DOCK2: variants seen among roughly 807,000 people sequenced by gnomAD.
The protein encoded by DOCK2 is dedicator of cytokinesis 2.
DOCK2 carries 87 observed loss-of-function variants against 248.9 expected under a neutral mutation model. The observed-to-expected ratio is 0.35, with a 90% confidence interval of 0.29 to 0.42. The LOEUF is 0.42. Among genes scored for constraint, DOCK2 ranks in the 10% least tolerant of loss-of-function variants. The pLI is 1.00. For synonymous variants in DOCK2, 805 were observed against 821.6 expected, an observed-to-expected ratio of 0.98 and a Z score of 0.35; for missense variants, 1,747 against 2,300.2, an observed-to-expected ratio of 0.76 and a Z score of 4.92.
At chr5:169,700,227 C>T in intron 13 of DOCK2, 88 bp downstream of exon 13, 1 of 1,505,300 alleles carries the variant, frequency 6.6e-7, no homozygotes, top group Non-Finnish European at 8.9e-7. Context: ...GAGTCAACTC[C>T]TTCCTTTTTT....
At chr5:170,009,025 C>CT (rs1435201636) in intron 32 of DOCK2, among the ~76,000 whole-genome samples, 1 of 151,910 alleles carries the variant, frequency 6.6e-6, no homozygotes, top group Non-Finnish European at 1.5e-5. Flanking sequence ...ATAAGAGGGA[C>CT]CAGGACTGTC....
intron 27 of DOCK2, among the ~76,000 whole-genome samples, chr5:169,918,773 C>T (rs435691): frequency 2.6e-5 from 4 of 152,018 alleles, no homozygotes; most frequent in Non-Finnish European, 5.9e-5. Flanking sequence ...ATTAACCAGG[C>T]GTGGTGGCAG....
At chr5:169,654,563 CTG>C in intron 2 of DOCK2, 77 bp downstream of exon 2, 1 of 1,496,256 alleles carries the variant, frequency 6.7e-7, no homozygotes, top group Non-Finnish European at 9.2e-7. Context: ...CCCCTCAGCG[CTG>C]TCTCTGAACC....
intron 29 of DOCK2, among the ~76,000 whole-genome samples, chr5:169,993,202 A>T (rs778719868): frequency 6.6e-6 from 1 of 152,254 alleles, no homozygotes; most frequent in Non-Finnish European, 1.5e-5. Context: ...TGTTTCAAAG[A>T]CATATTGGTG....
chr5:170,039,513 A>G (rs1756442307), intron 36 of DOCK2, among the ~76,000 whole-genome samples: 2 of 152,232 alleles, frequency 1.3e-5, no homozygotes, highest in Admixed American at 1.3e-4. Context: ...GCTTTGCTGA[A>G]TGAATAAGTG....
In DOCK2 at chr5:169,914,049, G is replaced by A. The variant is rs139912367; in HGVS notation, c.2800-69019G>A. Among the ~76,000 whole-genome samples, 6 of 152,112 alleles carry A rather than the reference G, an allele frequency of 3.9e-5. No individual in the cohort carries two copies. In the South Asian group the frequency reaches 6.2e-4, roughly 16 times the overall value. ...ACACCCAAAGATGTTTACTAAAGATGCCCTTTCAAATGAAGCTTTTGACTG... is the reference window on the plus strand; with the variant it reads ...ACACCCAAAGATGTTTACTAAAGATACCCTTTCAAATGAAGCTTTTGACTG... On this transcript the variant is annotated intron_variant, in intron 27 of 51. Coordinates refer to ENST00000520908, the MANE Select transcript of DOCK2 (RefSeq NM_004946.3).
intron 26 of DOCK2, among the ~76,000 whole-genome samples, chr5:169,833,654 A>G (rs1437439168): frequency 1.3e-5 from 2 of 152,206 alleles, no homozygotes; most frequent in Non-Finnish European, 2.9e-5. Flanking sequence ...AACAGAAGAC[A>G]TCTGGCCTAG....
rs144041093 is a variant in DOCK2, at chr5:169,678,480, G to A, written c.471-3264G>A. ...GGTTTCACCAGTCTCTACCAGGCTG[G>A]TCTTGAACTCCTGACCTTGTGATCC... On this transcript the variant is annotated intron_variant, in intron 6 of 51. Transcript: ENST00000520908. Among the ~76,000 whole-genome samples, 603 of 152,116 alleles carry A rather than the reference G, an allele frequency of 4.0e-3. 3 individuals are homozygous for A. The highest frequency in any genetic ancestry group is 5.7e-3 in the Non-Finnish European group (386 of 67,992).
chr5:169,739,189 G>A (rs1763187841), intron 22 of DOCK2, among the ~76,000 whole-genome samples: 1 of 152,188 alleles, frequency 6.6e-6, no homozygotes, highest in South Asian at 2.1e-4. Context: ...CAATGCTCTT[G>A]GCATGACCAT....
intron 32 of DOCK2, among the ~76,000 whole-genome samples, chr5:170,016,871 C>T (rs1755557123): frequency 6.6e-6 from 1 of 152,178 alleles, no homozygotes; most frequent in African/African-American, 2.4e-5. Context: ...CCTAGATTAG[C>T]AATTACTATA....
At chr5:170,059,770 C>A (rs114302021) in intron 44 of DOCK2, among the ~76,000 whole-genome samples, 1 of 152,098 alleles carries the variant, frequency 6.6e-6, no homozygotes, top group Admixed American at 6.5e-5. Flanking sequence ...ATGCAGACAC[C>A]CGTAATGTCT....
chr5:169,736,479 A>G (rs1231681936), intron 22 of DOCK2, among the ~76,000 whole-genome samples: 1 of 152,218 alleles, frequency 6.6e-6, no homozygotes, highest in Non-Finnish European at 1.5e-5. Context: ...AAACCCTAGA[A>G]GTCCACACAG....
At chr5:169,983,371 C>A (rs984853803) in intron 28 of DOCK2, among the ~76,000 whole-genome samples, 1 of 152,204 alleles carries the variant, frequency 6.6e-6, no homozygotes, top group Non-Finnish European at 1.5e-5. Context: ...GGATTTGTCA[C>A]ATGCTAGCTG....
intron 8 of DOCK2, among the ~76,000 whole-genome samples, chr5:169,687,095 T>C (rs1330515343): frequency 3.9e-5 from 6 of 152,168 alleles, no homozygotes; most frequent in African/African-American, 1.4e-4. Context: ...AGAAAATTGC[T>C]GGTGCTTGCT....
chr5:169,730,257 C>G (rs1031348661), intron 22 of DOCK2, among the ~76,000 whole-genome samples: 3 of 152,168 alleles, frequency 2.0e-5, no homozygotes, highest in Non-Finnish European at 4.4e-5. Flanking sequence ...GCTCCTGGCC[C>G]TGTAAACTGA....
chr5:170,044,708 C>A (rs554442800), intron 38 of DOCK2, among the ~76,000 whole-genome samples: 1 of 152,178 alleles, frequency 6.6e-6, no homozygotes, highest in East Asian at 1.9e-4. Flanking sequence ...GGTTTACAGC[C>A]GTGGCTTCTC....
chr5:169,694,579 G>A (rs984858569), intron 9 of DOCK2, among the ~76,000 whole-genome samples: 4 of 152,160 alleles, frequency 2.6e-5, no homozygotes, highest in African/African-American at 4.8e-5. Flanking sequence ...TGTCAAATGG[G>A]GATGCAATAA....
At chr5:169,955,392 A>G (rs1326660386) in intron 27 of DOCK2, among the ~76,000 whole-genome samples, 1 of 151,544 alleles carries the variant, frequency 6.6e-6, no homozygotes, top group Non-Finnish European at 1.5e-5. Context: ...AAAGGAAGGG[A>G]GAGAGAGAGA....
At chr5:169,695,325 C>T (rs1044922955) in intron 9 of DOCK2, 1 of 165,146 alleles carries the variant, frequency 6.1e-6, no homozygotes, top group Non-Finnish European at 1.3e-5. Context: ...AGCACTACCT[C>T]AACCCAACTG....
Sources: allele counts gnomAD v4.1 joint callset (sites outside exome capture counted in the v4.1 genomes callset), GRCh38; gene constraint gnomAD v4.1.1; transcripts MANE v1.5; gene names NCBI Gene and HGNC (gene_info 2026-07-23, HGNC 2026-07-21).